Variants in MAP2K5 observed in about 807,000 individuals in gnomAD.
MAP2K5 encodes dual specificity mitogen-activated protein kinase kinase 5.
In MAP2K5, 49 loss-of-function variants were observed where a neutral mutation model predicts 83.1. The observed-to-expected ratio is 0.59, with a 90% CI of 0.47 to 0.75. MAP2K5 has a LOEUF of 0.75. Among genes scored for constraint, MAP2K5 ranks in the 30% least tolerant of loss-of-function variants. The probability of loss-of-function intolerance (pLI) is 0.00; values close to 1 mark genes in which losing one functional copy is unlikely to be tolerated. For missense variants in MAP2K5, 457 were observed against 557.5 expected (o/e 0.82, Z 1.82); for synonymous variants, 202 against 191.8 (o/e 1.05, Z -0.44).
At chr15:67,608,022 G>A (rs778984239) in intron 8 of MAP2K5, among the ~76,000 whole-genome samples, 2 of 152,120 alleles carry the variant, frequency 1.3e-5, no homozygotes, top group Admixed American at 6.5e-5. Flanking sequence ...GTTTTGAAGT[G>A]GCAAGACTTC....
At chr15:67,741,285 A>C (rs1188591477) in intron 17 of MAP2K5, among the ~76,000 whole-genome samples, 1 of 152,190 alleles carries the variant, frequency 6.6e-6, no homozygotes. Context: ...ACTCAACTCA[A>C]AGGAGCCCTA....
intron 13 of MAP2K5, among the ~76,000 whole-genome samples, chr15:67,684,021 C>T (rs192236397): frequency 1.3e-5 from 2 of 152,308 alleles, no homozygotes; most frequent in East Asian, 3.9e-4. Flanking sequence ...GCTGAAAAGA[C>T]AGAATTTGGA....
At chr15:67,635,640 A>G (rs1386270861) in intron 9 of MAP2K5, among the ~76,000 whole-genome samples, 1 of 151,974 alleles carries the variant, frequency 6.6e-6, no homozygotes, top group Non-Finnish European at 1.5e-5. Context: ...TACATTTCAT[A>G]TAGTGTGGGT....
At chr15:67,646,352 A>G in intron 10 of MAP2K5, 36 bp from the exon 11 acceptor site, 1 of 1,429,766 alleles carries the variant, frequency 7.0e-7, no homozygotes. Context: ...ATTGACTTGC[A>G]GGTTTATAAC....
chr15:67,713,587 T>C (rs1479943878), intron 16 of MAP2K5, among the ~76,000 whole-genome samples: 3 of 152,064 alleles, frequency 2.0e-5, no homozygotes, highest in African/African-American at 7.2e-5. Context: ...AATACAAAAA[T>C]TAGCTGGGCA....
At chr15:67,688,411 C>G (rs1037082803) in intron 13 of MAP2K5, among the ~76,000 whole-genome samples, 2 of 152,182 alleles carry the variant, frequency 1.3e-5, no homozygotes, top group Non-Finnish European at 1.5e-5. Flanking sequence ...ACTAGGGAAA[C>G]CAGCTTAGTA....
intron 13 of MAP2K5, among the ~76,000 whole-genome samples, chr15:67,686,603 A>AAATAATAATAATAATAAT (rs57116318): frequency 1.0e-4 from 15 of 148,538 alleles, no homozygotes; most frequent in African/African-American, 3.2e-4. Flanking sequence ...ACTGTGTCTC[A>AAATAATAATAATAATAAT]AATAATAATA....
intron 21 of MAP2K5, among the ~76,000 whole-genome samples, chr15:67,792,714 G>T (rs981368166): frequency 6.6e-6 from 1 of 152,210 alleles, no homozygotes; most frequent in Non-Finnish European, 1.5e-5. Context: ...AGATGAAGTT[G>T]TAAATCTGCT....
Position 67,642,126 on chromosome 15 carries a change from A to AT in MAP2K5, c.586-4103dup, listed in dbSNP as rs369666636. ...AGCAGATTAGCTCCACAAATACAGT[A>AT]TTCCTTACTACATTTTAGGTCAGTG... On this transcript the variant is annotated intron_variant, in intron 9 of 21. Transcript: ENST00000178640. Among the ~76,000 whole-genome samples, 42 of 152,374 alleles carry AT rather than the reference A, an allele frequency of 2.8e-4. 1 individual carries two copies. Among genetic ancestry groups the AT allele is most frequent in the Admixed American group, 2.1e-3 (32 of 15,310 alleles).
Position 67,629,962 on chromosome 15 carries a change from G to A in MAP2K5, c.546-926G>A, listed in dbSNP as rs370160770. On this transcript the variant is annotated intron_variant, in intron 8 of 21. Coordinates refer to ENST00000178640, the MANE Select transcript of MAP2K5 (RefSeq NM_145160.3). ...GCCACATTTCATTTAAACATAAAAG[G>A]TACGGTGGCTCACTCCTGTAATCCT... 1.2e-3 allele frequency among the ~76,000 whole-genome samples: 183 copies of A among 152,268 alleles called. 1 individual carries two copies. The highest frequency in any genetic ancestry group is 4.2e-3 in the African/African-American group (175 of 41,550).
chr15:67,680,287 A>T (rs182545187), intron 13 of MAP2K5, among the ~76,000 whole-genome samples: 1 of 152,208 alleles, frequency 6.6e-6, no homozygotes, highest in Non-Finnish European at 1.5e-5. Context: ...CTTTTCATAC[A>T]CAAGTCTTTA....
intron 8 of MAP2K5, among the ~76,000 whole-genome samples, chr15:67,623,274 G>A (rs1160463770): frequency 1.3e-5 from 2 of 152,168 alleles, no homozygotes; most frequent in Non-Finnish European, 2.9e-5. Context: ...CCTATCTGTA[G>A]TGTGAATAAA....
At chr15:67,772,861 G>A (rs982544972) in intron 21 of MAP2K5, 109 bp downstream of exon 21, 3 of 746,980 alleles carry the variant, frequency 4.0e-6, no homozygotes, top group Non-Finnish European at 6.2e-6. Context: ...CTCTGAAAAG[G>A]CAACATTATT....
Position 67,577,033 on chromosome 15 carries a change from T to C in MAP2K5, c.253-3721T>C, listed in dbSNP as rs1352694583. On this transcript the variant is annotated intron_variant, in intron 3 of 21. Transcript: ENST00000178640. The surrounding 1 kb of genome is among the most constrained non-coding windows in gnomAD (Gnocchi z 4.1). Reference sequence around the variant, plus strand: ...TCACTGCAAGCTCCGCTTCCCGGGTTCACGCCATTCTCCTGCCTCAGCCTC... The same window carrying C: ...TCACTGCAAGCTCCGCTTCCCGGGTCCACGCCATTCTCCTGCCTCAGCCTC... Among the ~76,000 whole-genome samples the C allele has an allele frequency of 6.9e-6, 1 of 145,540 alleles. No individual in the cohort carries two copies. The highest frequency in any genetic ancestry group is 1.5e-5 in the Non-Finnish European group (1 of 65,810).
At chr15:67,592,531 T>C (rs190877483) in intron 6 of MAP2K5, among the ~76,000 whole-genome samples, 7 of 152,340 alleles carry the variant, frequency 4.6e-5, no homozygotes, top group Admixed American at 4.6e-4. Flanking sequence ...AAATTATCTA[T>C]TTTGTCTTTT....
rs1452773752 is a variant in MAP2K5 at position 67,658,556 on chromosome 15, G to T, written c.740G>T (p.Gly247Val). The T allele has an allele frequency of 6.2e-7, 1 of 1,611,470 alleles. No homozygotes were observed. The highest frequency in any genetic ancestry group is 8.5e-7 in the Non-Finnish European group (1 of 1,177,950). ...CATGGCATGTTTATCTCTACAGGGGGATCTTTGGATGTATATAGGAAAATG... is the reference window on the plus strand; with the variant it reads ...CATGGCATGTTTATCTCTACAGGGGTATCTTTGGATGTATATAGGAAAATG... ...ISICTEFMDG[G>V]SLDVYRKMPE... The change falls in exon 12 of 22, where the codon GGA becomes GTA. Residue 247 changes from glycine (G) to valine (V), a missense_variant. Around this residue, in one of 3 missense-constraint regions of MAP2K5, gnomAD observed 168 missense variants for 263.0 expected, o/e 0.64. Transcript: ENST00000178640.
At chr15:67,805,001 C>T (rs1042612567) in intron 21 of MAP2K5, among the ~76,000 whole-genome samples, 4 of 152,180 alleles carry the variant, frequency 2.6e-5, no homozygotes, top group Non-Finnish European at 5.9e-5. Context: ...GCCTGGCCTC[C>T]ATGGCCCCTG....
chr15:67,588,911 G>A (rs2085339798), intron 6 of MAP2K5, among the ~76,000 whole-genome samples: 3 of 152,292 alleles, frequency 2.0e-5, no homozygotes, highest in South Asian at 2.1e-4. Context: ...GACCTCCTGG[G>A]CTCAAGTGGT....
At chr15:67,727,838 A>G in intron 16 of MAP2K5, 78 bp from the exon 17 acceptor site, 2 of 1,048,502 alleles carry the variant, frequency 1.9e-6, no homozygotes, top group East Asian at 4.7e-5. Flanking sequence ...CAGTTCTGAA[A>G]TTTAGTACTT....
Sources: allele counts gnomAD v4.1 joint callset (sites outside exome capture counted in the v4.1 genomes callset), GRCh38; gene constraint gnomAD v4.1.1; regional missense constraint gnomAD v4.1.1; non-coding constraint Gnocchi (gnomAD v3.1); transcripts MANE v1.5; gene names NCBI Gene and HGNC (gene_info 2026-07-23, HGNC 2026-07-21).